ABCG1: variants seen among roughly 807,000 people sequenced by gnomAD.
ABCG1 encodes ATP binding cassette subfamily G member 1.
Under a neutral mutation model 69.2 loss-of-function variants are expected in ABCG1, and 29 were observed. The observed-to-expected ratio is 0.42, with a 90% CI of 0.31 to 0.57. The LOEUF is 0.57. ABCG1 is among the 20% of genes least tolerant of loss of function. The pLI is 0.15. For synonymous variants in ABCG1, 370 were observed against 374.8 expected (o/e 0.99, Z 0.15); for missense variants, 718 against 898.1 (o/e 0.80, Z 2.56).
intron 2 of ABCG1, among the ~76,000 whole-genome samples, chr21:42,242,879 C>A (rs538234367): frequency 1.1e-4 from 17 of 152,256 alleles, no homozygotes; most frequent in Non-Finnish European, 2.1e-4. Flanking sequence ...CTGGGCTGCA[C>A]CCCCGGGGGT....
Position 42,219,441 on chromosome 21 carries a change from A to G in ABCG1, c.42+137A>G. 1 of 1,277,586 alleles carries G rather than the reference A, an allele frequency of 7.8e-7. No individual in the cohort carries two copies. The highest frequency in any genetic ancestry group is 1.5e-5 in the South Asian group (1 of 68,314). 79.1% of individuals were successfully genotyped at this position (1,277,586 alleles called of 1,614,324 possible). On this transcript the variant is annotated intron_variant, in intron 1 of 14. Transcript: ENST00000398449. The surrounding 1 kb of genome is among the most constrained non-coding windows in gnomAD (Gnocchi z 5.3). ...TGGGCGCTGACCCAGGGCACCCTAG[A>G]GTGGCGCCCGGCTCCGATCGCTGCC...
intron 2 of ABCG1, among the ~76,000 whole-genome samples, chr21:42,267,884 G>C (rs2068542470): frequency 8.3e-6 from 1 of 119,840 alleles, no homozygotes; most frequent in Non-Finnish European, 2.0e-5. Context: ...GGTTCTGTCT[G>C]GGTGTGGTCT....
chr21:42,222,210 G>A (rs771740536), intron 1 of ABCG1, among the ~76,000 whole-genome samples: 1 of 152,206 alleles, frequency 6.6e-6, no homozygotes, highest in East Asian at 1.9e-4. Context: ...GAGCTCAGGA[G>A]GCTAAGGAGA....
At chr21:42,249,760 C>T (rs905001160) in intron 2 of ABCG1, among the ~76,000 whole-genome samples, 1 of 152,112 alleles carries the variant, frequency 6.6e-6, no homozygotes. Flanking sequence ...AATCCCGGCA[C>T]TTTGGGAGGC....
upstream of ABCG1, among the ~76,000 whole-genome samples, chr21:42,213,217 T>C (rs553855607): frequency 6.6e-6 from 1 of 152,322 alleles, no homozygotes; most frequent in Non-Finnish European, 1.5e-5. Context: ...TGCCCTCCCA[T>C]CACAGGCCCA....
At chr21:42,227,986 G>A (rs917087551) in intron 2 of ABCG1, among the ~76,000 whole-genome samples, 2 of 152,194 alleles carry the variant, frequency 1.3e-5, no homozygotes, top group African/African-American at 2.4e-5. Flanking sequence ...CTTGACACGT[G>A]GGGATTACAA....
At chr21:42,282,473 T>C in intron 6 of ABCG1, 54 bp downstream of exon 6, 1 of 1,555,428 alleles carries the variant, frequency 6.4e-7, no homozygotes. Context: ...CCCCCTGTAT[T>C]CAGCGGTTCT....
At chr21:42,252,009 A>G (rs1315374922) in intron 2 of ABCG1, among the ~76,000 whole-genome samples, 1 of 152,220 alleles carries the variant, frequency 6.6e-6, no homozygotes, top group Non-Finnish European at 1.5e-5. Context: ...AGCCACCCTG[A>G]CCATGCCATT....
At chr21:42,216,253 G>A (rs1317900079), upstream of ABCG1, 122 of 392,086 alleles carry the variant, frequency 3.1e-4, 1 homozygote, top group East Asian at 2.5e-4. Flanking sequence ...TATCGGCAGC[G>A]TGAAAATGGA....
At chr21:42,244,013 G>A (rs2068096038) in intron 2 of ABCG1, among the ~76,000 whole-genome samples, 1 of 151,922 alleles carries the variant, frequency 6.6e-6, no homozygotes, top group Admixed American at 6.6e-5. Flanking sequence ...TAAAGACGGG[G>A]TTTCACCATG....
intron 2 of ABCG1, among the ~76,000 whole-genome samples, chr21:42,238,302 T>G (rs1400056857): frequency 1.3e-5 from 2 of 152,158 alleles, no homozygotes; most frequent in Non-Finnish European, 2.9e-5. Context: ...GTGCCATCTC[T>G]TACACAAAAT....
rs533216469 is a variant in ABCG1, at chr21:42,230,250, TA to T, written c.286+4337del. ...CTAATGATGTCTTTGGAGGGAAAAC[TA>T]GATCATATAATAGATTCCTAGCAGA... On this transcript the variant is annotated intron_variant, in intron 2 of 14. Transcript: ENST00000398449. Among the ~76,000 whole-genome samples the T allele has an allele frequency of 2.6e-4, 39 of 152,348 alleles. 1 individual carries two copies. The highest frequency in any genetic ancestry group is 8.7e-4 in the African/African-American group (36 of 41,582).
At chr21:42,216,347 C>T (rs7275664), upstream of ABCG1, among the ~76,000 whole-genome samples, 2 of 152,056 alleles carry the variant, frequency 1.3e-5, no homozygotes, top group African/African-American at 4.8e-5. Context: ...GGGGTTGGGA[C>T]TAAGCTGGTC....
At chr21:42,289,545 C>T (rs561190495) in intron 10 of ABCG1, among the ~76,000 whole-genome samples, 42 of 152,208 alleles carry the variant, frequency 2.8e-4, no homozygotes, top group African/African-American at 4.6e-4. Flanking sequence ...GGTGAATACG[C>T]GGGAACCATA....
chr21:42,230,590 G>A (rs56842488), intron 2 of ABCG1, among the ~76,000 whole-genome samples: 3,375 of 152,296 alleles, frequency 0.022, 121 homozygotes, highest in African/African-American at 0.077. Flanking sequence ...TAAGTTCACA[G>A]AATAAAATTC....
intron 2 of ABCG1, chr21:42,260,089 G>A: frequency 6.4e-7 from 1 of 1,550,658 alleles, no homozygotes; most frequent in Non-Finnish European, 8.7e-7. Context: ...GCAGCTCATG[G>A]GGCAGGAAGG....
intron 3 of ABCG1, among the ~76,000 whole-genome samples, chr21:42,272,303 A>G (rs1441368851): frequency 6.6e-6 from 1 of 152,084 alleles, no homozygotes; most frequent in East Asian, 1.9e-4. Flanking sequence ...GATCATCAAT[A>G]CACCCACAGC....
At chr21:42,244,384 G>A (rs949072875) in intron 2 of ABCG1, among the ~76,000 whole-genome samples, 1 of 152,172 alleles carries the variant, frequency 6.6e-6, no homozygotes, top group African/African-American at 2.4e-5. Flanking sequence ...AACAGAAGAA[G>A]GTCGGCCATT....
intron 2 of ABCG1, among the ~76,000 whole-genome samples, chr21:42,232,367 GGTGTGTGACT>G (rs2067913525): frequency 6.6e-6 from 1 of 152,190 alleles, no homozygotes. Context: ...CTGGGATCTG[GGTGTGTGACT>G]CCTTAGTGTG....
Sources: allele counts gnomAD v4.1 joint callset (sites outside exome capture counted in the v4.1 genomes callset), GRCh38; gene constraint gnomAD v4.1.1; non-coding constraint Gnocchi (gnomAD v3.1); transcripts MANE v1.5; gene names NCBI Gene and HGNC (gene_info 2026-07-23, HGNC 2026-07-21).